COL4A6: variants seen among roughly 807,000 people sequenced by gnomAD.
COL4A6 encodes the protein collagen type IV alpha 6 chain, also known as collagen alpha-6(IV) chain.
A neutral mutation model predicts 126.7 loss-of-function variants in COL4A6; 59 were observed. That is an observed-to-expected ratio of 0.47 (90% CI 0.38 to 0.58). The LOEUF is 0.58. COL4A6 is among the 20% of genes least tolerant of loss of function. COL4A6 has a pLI of 0.00. For missense variants in COL4A6, 1,285 were observed against 1,337.3 expected (o/e 0.96, Z 0.61); for synonymous variants, 547 against 496.6 (o/e 1.10, Z -1.35).
chrX:108,214,604 T>C (rs1420916728), intron 5 of COL4A6, among the ~76,000 whole-genome samples: 2 of 112,103 alleles, frequency 1.8e-5, no homozygotes, highest in Non-Finnish European at 3.8e-5. Flanking sequence ...GGCCTTGGGA[T>C]TCCTCAGGCC....
rs768008024 is a variant in COL4A6 at position 108,165,494 on chromosome X, G to C, written c.3692-8C>G. 4.8e-5 allele frequency: 54 copies of C among 1,118,751 alleles called. No individual in the cohort carries two copies. The Admixed American group carries it at 6.8e-4, about 14-fold the overall frequency. 92.2% of individuals were successfully genotyped at this position (1,118,751 alleles called of 1,213,427 possible). A position where few individuals can be genotyped will look rare whatever the true frequency, so the allele number is the denominator to read the frequency against. ...CCTGGAGACCTGGGAAACCTGTAAA[G>C]AATAAATAAAAGGGGCTGGATAGGC... On this transcript the variant is annotated splice_region_variant and splice_polypyrimidine_tract_variant and intron_variant, in intron 37 of 44. Coordinates refer to ENST00000334504, the MANE Select transcript of COL4A6 (RefSeq NM_033641.4).
chrX:108,245,106 C>T (rs1182832771), intron 3 of COL4A6, among the ~76,000 whole-genome samples: 1 of 112,278 alleles, frequency 8.9e-6, no homozygotes, highest in East Asian at 2.8e-4. Context: ...ACAAGACAAA[C>T]GTCTTTCATG....
chrX:108,333,865 A>G (rs2039368403), intron 2 of COL4A6, among the ~76,000 whole-genome samples: 1 of 111,396 alleles, frequency 9.0e-6, no homozygotes, highest in African/African-American at 3.3e-5. Context: ...CTACAAGGAG[A>G]ACTACAAAAC....
chrX:108,168,133 C>G (rs1184834850), intron 37 of COL4A6, among the ~76,000 whole-genome samples: 1 of 112,261 alleles, frequency 8.9e-6, no homozygotes, highest in Admixed American at 9.4e-5. Flanking sequence ...GTGCTGTTTA[C>G]TACATGCATA....
intron 30 of COL4A6, 42 bp downstream of exon 30, chrX:108,175,048 C>T (rs934612616): frequency 1.6e-5 from 18 of 1,132,210 alleles, no homozygotes; most frequent in Non-Finnish European, 2.0e-5. Context: ...GGTTATGAAG[C>T]CTCTCTTGAG....
chrX:108,391,768 C>T (rs1257761605), intron 2 of COL4A6, among the ~76,000 whole-genome samples: 1 of 112,369 alleles, frequency 8.9e-6, no homozygotes, highest in East Asian at 2.8e-4. Context: ...AAAGGGAAAT[C>T]CCCCGACCCC....
chrX:108,219,970 A>G (rs1434372070), intron 4 of COL4A6, among the ~76,000 whole-genome samples: 2 of 110,499 alleles, frequency 1.8e-5, no homozygotes, highest in Admixed American at 1.9e-4. Flanking sequence ...TTAAGGGAGT[A>G]TAGTCGAGGT....
At chrX:108,390,971 C>A (rs2040823691) in intron 2 of COL4A6, among the ~76,000 whole-genome samples, 1 of 111,317 alleles carries the variant, frequency 9.0e-6, no homozygotes, top group African/African-American at 3.3e-5. Context: ...ATAGTCAGGC[C>A]CCTCTGCTGC....
rs758966716 is a variant in COL4A6 at position 108,203,006 on chromosome X, A to T, written c.781-25T>A. On this transcript the variant is annotated intron_variant, in intron 12 of 44. Coordinates refer to ENST00000334504, the MANE Select transcript of COL4A6 (RefSeq NM_033641.4). ...CCTGGAAAATCAGCCCAAGGTTAGT[A>T]AGTAGCATCAGGAAGCAGTGAACGC... The T allele has an allele frequency of 3.4e-6, 4 of 1,185,789 alleles. No individual in the cohort carries two copies. The East Asian group carries it at 1.2e-4, about 35-fold the overall frequency.
chrX:108,352,122 G>A (rs1305715908), intron 2 of COL4A6, among the ~76,000 whole-genome samples: 1 of 112,809 alleles, frequency 8.9e-6, no homozygotes, highest in African/African-American at 3.2e-5. Flanking sequence ...ATTTGGAGAA[G>A]TATTTCTGCG....
Position 108,227,072 on chromosome X carries a change from C to T in COL4A6, c.145-5698G>A, listed in dbSNP as rs775206767. Among the ~76,000 whole-genome samples the T allele has an allele frequency of 8.0e-4, 89 of 111,729 alleles. 1 individual carries two copies. The highest frequency in any genetic ancestry group is 4.6e-3 in the Middle Eastern group (1 of 217). ...CCAAGATATCAGCTTCTCCAGGGAGCTTTCTATGATTACCCCCACCCAATG... is the reference window on the plus strand; with the variant it reads ...CCAAGATATCAGCTTCTCCAGGGAGTTTTCTATGATTACCCCCACCCAATG... On this transcript the variant is annotated intron_variant, in intron 3 of 44. Transcript: ENST00000334504.
At chrX:108,375,499 T>C (rs1281816750) in intron 2 of COL4A6, among the ~76,000 whole-genome samples, 2 of 111,150 alleles carry the variant, frequency 1.8e-5, no homozygotes, top group Non-Finnish European at 3.8e-5. Context: ...TTGTTTTTAA[T>C]ACTCTTTTTG....
In COL4A6 at chrX:108,205,454, T is replaced by C. The variant is rs762112922; in HGVS notation, c.672A>G (p.Gly224=). The C allele has an allele frequency of 7.2e-5, 86 of 1,201,278 alleles. 1 individual carries two copies. In the Admixed American group the frequency reaches 1.4e-3, roughly 19 times the overall value. ...AGCTGTTTACCTTGACTCCTTTCTC[T>C]CCTTGAAAACCTAGCCCCATATTCC... ...PDGNMGLGFQ[G]EKGVKGDVGL... The change falls in exon 11 of 45, where the codon GGA becomes GGG. Residue 224 remains glycine (G), a synonymous_variant. Coordinates refer to ENST00000334504, the MANE Select transcript of COL4A6 (RefSeq NM_033641.4).
chrX:108,307,326 A>G (rs1251617517), intron 3 of COL4A6, among the ~76,000 whole-genome samples: 1 of 112,039 alleles, frequency 8.9e-6, no homozygotes, highest in African/African-American at 3.2e-5. Context: ...ACCTTGCGCA[A>G]GTCACTTACC....
chrX:108,225,842 C>T (rs1239230753), intron 3 of COL4A6, among the ~76,000 whole-genome samples: 1 of 112,688 alleles, frequency 8.9e-6, no homozygotes, highest in Non-Finnish European at 1.9e-5. Flanking sequence ...GTTCTTCTCC[C>T]ATAAAATTAA....
Position 108,283,972 on chromosome X carries a change from A to G in COL4A6, c.144+26776T>C, listed in dbSNP as rs1195648894. ...AACATCTGAAGAAGGGTCACACTTGAGAAATGTGAGCAAGATGATGAAGCC... is the reference window on the plus strand; with the variant it reads ...AACATCTGAAGAAGGGTCACACTTGGGAAATGTGAGCAAGATGATGAAGCC... On this transcript the variant is annotated intron_variant, in intron 3 of 44. Coordinates refer to ENST00000334504, the MANE Select transcript of COL4A6 (RefSeq NM_033641.4). 1.3e-4 allele frequency among the ~76,000 whole-genome samples: 14 copies of G among 111,474 alleles called. No homozygotes were observed. The Admixed American group carries it at 1.3e-3, about 11-fold the overall frequency.
intron 3 of COL4A6, among the ~76,000 whole-genome samples, chrX:108,224,065 C>T (rs183639370): frequency 8.9e-6 from 1 of 112,203 alleles, no homozygotes; most frequent in East Asian, 2.8e-4. Flanking sequence ...GTCCCAGCAG[C>T]ACCCAGCATA....
chrX:108,384,990 A>T (rs1569451358), intron 2 of COL4A6, among the ~76,000 whole-genome samples: 1 of 111,259 alleles, frequency 9.0e-6, no homozygotes, highest in Non-Finnish European at 1.9e-5. Flanking sequence ...CTTTGTATGC[A>T]GTAGACCGCC....
At chrX:108,162,854 C>T in intron 41 of COL4A6, 38 bp downstream of exon 41, 1 of 1,119,657 alleles carries the variant, frequency 8.9e-7, no homozygotes. Flanking sequence ...ACTGTCTCAA[C>T]TCCCCAACAA....
Sources: allele counts gnomAD v4.1 joint callset (sites outside exome capture counted in the v4.1 genomes callset), GRCh38; gene constraint gnomAD v4.1.1; transcripts MANE v1.5; gene names NCBI Gene and HGNC (gene_info 2026-07-23, HGNC 2026-07-21).